The following ERC2 variants were observed in gnomAD, a reference collection of about 807,000 sequenced individuals.
ERC2 encodes ELKS/RAB6-interacting/CAST family member 2.
ERC2 carries 42 observed loss-of-function variants against 114.8 expected under a neutral mutation model. The ratio of observed to expected loss-of-function variants is 0.37; its 90% confidence interval spans 0.29 to 0.47. ERC2 has a LOEUF of 0.47. Among genes scored for constraint, ERC2 ranks in the 20% least tolerant of loss-of-function variants. The pLI is 0.99. For missense variants in ERC2, 939 were observed against 1,150.7 expected (o/e 0.82, Z 2.66); for synonymous variants, 454 against 425.5 (o/e 1.07, Z -0.82).
intron 17 of ERC2, among the ~76,000 whole-genome samples, chr3:55,528,563 G>T (rs895688730): frequency 6.6e-6 from 1 of 152,152 alleles, no homozygotes; most frequent in African/African-American, 2.4e-5. Context: ...ACTCTCACAA[G>T]GCAGGCATAA....
At chr3:56,103,441 C>T (rs2149809878) in intron 6 of ERC2, among the ~76,000 whole-genome samples, 1 of 152,292 alleles carries the variant, frequency 6.6e-6, no homozygotes, top group South Asian at 2.1e-4. Flanking sequence ...CACAACCTTC[C>T]CTCCTCTCTA....
intron 2 of ERC2, among the ~76,000 whole-genome samples, chr3:56,386,552 T>C (rs1189547376): frequency 3.3e-5 from 5 of 152,136 alleles, no homozygotes; most frequent in Admixed American, 2.6e-4. Flanking sequence ...TGTTGTCTTA[T>C]GGGGTTGTTT....
At chr3:56,281,066 A>T (rs1349534667) in intron 3 of ERC2, among the ~76,000 whole-genome samples, 8 of 152,240 alleles carry the variant, frequency 5.3e-5, no homozygotes, top group Admixed American at 5.2e-4. Context: ...TTGTCCAAAA[A>T]GCTGTAACAA....
intron 14 of ERC2, among the ~76,000 whole-genome samples, chr3:55,851,485 T>G (rs932877932): frequency 3.3e-5 from 5 of 152,120 alleles, no homozygotes; most frequent in African/African-American, 9.7e-5. Flanking sequence ...ATAACAAAAT[T>G]TTTTCTGGCT....
intron 1 of ERC2, among the ~76,000 whole-genome samples, chr3:56,449,606 C>A (rs931408987): frequency 1.3e-5 from 2 of 152,176 alleles, no homozygotes; most frequent in Non-Finnish European, 1.5e-5. Context: ...AAAAGAGGAG[C>A]CTCAAAATCA....
chr3:55,935,958 C>G (rs770790479), intron 13 of ERC2, among the ~76,000 whole-genome samples: 1 of 152,190 alleles, frequency 6.6e-6, no homozygotes, highest in Non-Finnish European at 1.5e-5. Flanking sequence ...ATGACAAAAT[C>G]TAAATAGTGC....
chr3:55,942,266 CTTTTTTTTTTTTTTTTTTTTTTT>C (rs56851837), intron 13 of ERC2, among the ~76,000 whole-genome samples: 1,200 of 42,174 alleles, frequency 0.028, 41 homozygotes, highest in African/African-American at 0.094. Context: ...AAGGTCCTTT[CTTTTTTTTTTTTTTTTTTTTTTT>C]TTTTTTTTTT....
intron 1 of ERC2, among the ~76,000 whole-genome samples, chr3:56,465,930 T>C (rs1053744723): frequency 1.3e-5 from 2 of 152,246 alleles, no homozygotes; most frequent in Non-Finnish European, 2.9e-5. Flanking sequence ...ACATGCAGAC[T>C]ACACAACCAA....
intron 14 of ERC2, among the ~76,000 whole-genome samples, chr3:55,833,970 A>G (rs1263549693): frequency 6.6e-6 from 1 of 151,576 alleles, no homozygotes; most frequent in Non-Finnish European, 1.5e-5. Flanking sequence ...CTAGTCTCTG[A>G]TAAAACAGAC....
At chr3:56,112,777 T>C (rs541560307) in intron 6 of ERC2, among the ~76,000 whole-genome samples, 165 of 152,272 alleles carry the variant, frequency 1.1e-3, no homozygotes, top group African/African-American at 3.7e-3. Context: ...GTTGAAGATT[T>C]AGTGCCGAAG....
chr3:56,157,277 C>T (rs954285472), intron 4 of ERC2, among the ~76,000 whole-genome samples: 5 of 152,074 alleles, frequency 3.3e-5, no homozygotes, highest in Non-Finnish European at 5.9e-5. Flanking sequence ...CTCTAAAGAT[C>T]ACCGAGCAAG....
At chr3:55,595,618 G>A (rs764056666) in intron 17 of ERC2, among the ~76,000 whole-genome samples, 5 of 152,266 alleles carry the variant, frequency 3.3e-5, no homozygotes, top group Admixed American at 6.5e-5. Flanking sequence ...GATGAAAGCC[G>A]GACATTCCTC....
chr3:55,893,663 A>C (rs561872723), intron 13 of ERC2, among the ~76,000 whole-genome samples: 10 of 152,294 alleles, frequency 6.6e-5, no homozygotes, highest in African/African-American at 2.2e-4. Context: ...TTAAGACCTC[A>C]GAGCCACATT....
intron 7 of ERC2, among the ~76,000 whole-genome samples, chr3:56,019,402 T>C (rs1048304054): frequency 1.3e-5 from 2 of 152,198 alleles, no homozygotes; most frequent in Admixed American, 6.6e-5. Flanking sequence ...ATTAATTCAT[T>C]GATTAAACAG....
intron 2 of ERC2, among the ~76,000 whole-genome samples, chr3:56,311,230 CTTCT>C (rs2056519784): frequency 3.4e-5 from 1 of 29,234 alleles, no homozygotes; most frequent in African/African-American, 1.2e-4. Context: ...TATCCATCAT[CTTCT>C]CTCTCTCTCT....
At chr3:56,073,564 G>C (rs1274071746) in intron 7 of ERC2, among the ~76,000 whole-genome samples, 1 of 152,176 alleles carries the variant, frequency 6.6e-6, no homozygotes, top group Non-Finnish European at 1.5e-5. Context: ...TGGGACACCA[G>C]GCTAGTTCCT....
intron 6 of ERC2, among the ~76,000 whole-genome samples, chr3:56,114,986 C>T (rs547502374): frequency 5.1e-4 from 77 of 152,274 alleles, no homozygotes; most frequent in African/African-American, 1.8e-3. Context: ...GATTCCTAAC[C>T]TCCCCAATTC....
intron 15 of ERC2, among the ~76,000 whole-genome samples, chr3:55,707,511 G>C (rs1394259150): frequency 6.6e-6 from 1 of 152,198 alleles, no homozygotes; most frequent in Middle Eastern, 3.2e-3. Flanking sequence ...GACAGTGACT[G>C]TAGCCAGAAG....
chr3:55,695,146 C>A lies in ERC2; in HGVS notation c.2847+4232G>T, dbSNP rs9870530. ...AGATACAGAGAACATTTAGGAAAAG[C>A]TGAATTTCTACTTGGCTTTGTGAAA... On this transcript the variant is annotated intron_variant, in intron 16 of 17. Coordinates refer to ENST00000288221, the MANE Select transcript of ERC2 (RefSeq NM_015576.3). Among the ~76,000 whole-genome samples the A allele has an allele frequency of 9.4e-3, 1,438 of 152,264 alleles. 30 individuals are homozygous for A. Among genetic ancestry groups the A allele is most frequent in the African/African-American group, 0.033 (1,381 of 41,556 alleles).
Sources: gnomAD v4.1 joint callset for allele counts (sites outside exome capture counted in the v4.1 genomes callset) on GRCh38, gnomAD v4.1.1 for gene constraint, MANE v1.5 for transcripts, NCBI Gene and HGNC (gene_info 2026-07-23, HGNC 2026-07-21) for gene names.